POT1: variants seen among roughly 807,000 people sequenced by gnomAD.
POT1 encodes the protein protection of telomeres protein 1.
POT1 carries 47 observed loss-of-function variants against 78.5 expected under a neutral mutation model. The observed-to-expected ratio is 0.60, with a 90% CI of 0.47 to 0.76. The LOEUF is 0.76. Ranked by LOEUF, POT1 falls within the 30% of genes least tolerant of loss-of-function variation. The pLI, the probability that POT1 is intolerant of heterozygous loss-of-function variation, is 0.00. For missense variants in POT1, 646 were observed against 749.9 expected (o/e 0.86, Z 1.62); for synonymous variants, 259 against 260.7 (o/e 0.99, Z 0.06).
At chr7:124,881,667 A>G (rs1028724590) in intron 6 of POT1, among the ~76,000 whole-genome samples, 5 of 151,986 alleles carry the variant, frequency 3.3e-5, no homozygotes, top group African/African-American at 1.2e-4. Context: ...CCAAATACAC[A>G]CGCAAAAATA....
intron 1 of POT1, 183 bp downstream of exon 1, chr7:124,929,611 T>G (rs532898010): frequency 2.6e-5 from 4 of 152,140 alleles, no homozygotes; most frequent in Non-Finnish European, 5.9e-5. Context: ...ACTTAACTCC[T>G]GTCTGCTTCT....
intron 9 of POT1, among the ~76,000 whole-genome samples, chr7:124,855,375 T>C (rs1266969910): frequency 1.3e-5 from 2 of 151,998 alleles, no homozygotes; most frequent in East Asian, 3.9e-4. Flanking sequence ...TTATACTATC[T>C]TGTCTACTAC....
intron 15 of POT1, among the ~76,000 whole-genome samples, chr7:124,833,599 A>G (rs1385705311): frequency 4.6e-5 from 7 of 152,194 alleles, no homozygotes; most frequent in Non-Finnish European, 1.0e-4. Context: ...AGTGGCAGCA[A>G]ATTTGTAATT....
chr7:124,831,999 TAAAAAAAAAAAA>T (rs752861454), intron 15 of POT1, among the ~76,000 whole-genome samples: 4 of 75,654 alleles, frequency 5.3e-5, no homozygotes, highest in African/African-American at 1.7e-4. Flanking sequence ...TTCTTAAAAA[TAAAAAAAAAAAA>T]AAAAAAAAAA....
chr7:124,874,085 A>C (rs1406074377), intron 6 of POT1, among the ~76,000 whole-genome samples: 1 of 152,204 alleles, frequency 6.6e-6, no homozygotes, highest in Non-Finnish European at 1.5e-5. Flanking sequence ...CTTTGTATTT[A>C]ACAACCTTTC....
intron 6 of POT1, among the ~76,000 whole-genome samples, chr7:124,877,342 C>A (rs1796012259): frequency 6.6e-6 from 1 of 152,078 alleles, no homozygotes; most frequent in African/African-American, 2.4e-5. Flanking sequence ...TTTGGCCAAT[C>A]AGATATTTTA....
At chr7:124,916,745 T>C (rs959887823) in intron 2 of POT1, among the ~76,000 whole-genome samples, 4 of 152,296 alleles carry the variant, frequency 2.6e-5, no homozygotes, top group East Asian at 1.9e-4. Context: ...CTTTAATGAA[T>C]TGCTAGAGGC....
intron 3 of POT1, among the ~76,000 whole-genome samples, chr7:124,906,846 G>T (rs1411740285): frequency 6.6e-6 from 1 of 151,922 alleles, no homozygotes; most frequent in Non-Finnish European, 1.5e-5. Flanking sequence ...AATCATAATG[G>T]CTTTTAAAAC....
chr7:124,925,283 C>A (rs568428466), intron 2 of POT1, among the ~76,000 whole-genome samples: 5 of 151,870 alleles, frequency 3.3e-5, no homozygotes, highest in Admixed American at 2.0e-4. Context: ...AATCAATGTA[C>A]AAAAATCAGT....
intron 6 of POT1, among the ~76,000 whole-genome samples, chr7:124,879,323 G>A (rs1308513079): frequency 6.6e-6 from 1 of 152,128 alleles, no homozygotes; most frequent in Non-Finnish European, 1.5e-5. Context: ...GGTAGAAGCT[G>A]AAAGTGAGCT....
chr7:124,863,578 A>G lies in POT1; in HGVS notation c.318T>C (p.Phe106=), dbSNP rs749238293. Residue 106 remains phenylalanine (F), a synonymous_variant, in exon 8 of 19, where the codon TTT becomes TTC. Transcript: ENST00000357628. The part of the protein sequence containing the change: ...ITSSGFASLT[F]EGTLGAPIIP... ...TGATAGGGGCTCCCAAAGTTCCCTC[A>G]AACGTCAAAGATGCAAAGCCAGAGC... 6 of 1,613,780 alleles carry G rather than the reference A, an allele frequency of 3.7e-6. No homozygotes were observed.
chr7:124,878,211 A>G (rs548375272), intron 6 of POT1, among the ~76,000 whole-genome samples: 10 of 152,226 alleles, frequency 6.6e-5, no homozygotes, highest in African/African-American at 2.4e-4. Flanking sequence ...GCGTGCCTGT[A>G]ATCCCAGCTA....
At chr7:124,871,065 C>T in intron 6 of POT1, 24 bp from the exon 7 acceptor site, 1 of 1,544,610 alleles carries the variant, frequency 6.5e-7, no homozygotes, top group Non-Finnish European at 8.8e-7. Context: ...AAATATTTTA[C>T]CTGACTTTCA....
intron 3 of POT1, chr7:124,900,978 C>G: frequency 5.4e-6 from 1 of 184,300 alleles, no homozygotes; most frequent in South Asian, 7.9e-5. Flanking sequence ...TGAGGCTTGA[C>G]TAGGTAAACA....
At chr7:124,826,293 T>C (rs947055139) in intron 17 of POT1, among the ~76,000 whole-genome samples, 4 of 152,218 alleles carry the variant, frequency 2.6e-5, no homozygotes, top group African/African-American at 7.2e-5. Flanking sequence ...ATAAGTTCCA[T>C]GTCTGGAACT....
intron 8 of POT1, among the ~76,000 whole-genome samples, chr7:124,861,286 C>G (rs1037537183): frequency 1.3e-5 from 2 of 152,056 alleles, no homozygotes; most frequent in African/African-American, 4.8e-5. Context: ...GACTTTTTAA[C>G]GATTGCCATT....
intron 7 of POT1, among the ~76,000 whole-genome samples, chr7:124,869,668 C>A (rs996434740): frequency 6.6e-6 from 1 of 152,098 alleles, no homozygotes; most frequent in Non-Finnish European, 1.5e-5. Context: ...CCACAACCTC[C>A]GCCCTCCGGG....
At chr7:124,913,391 T>C (rs1344014714) in intron 3 of POT1, among the ~76,000 whole-genome samples, 1 of 152,224 alleles carries the variant, frequency 6.6e-6, no homozygotes, top group Non-Finnish European at 1.5e-5. Context: ...TCATTAGATA[T>C]ATGATTTGCA....
chr7:124,900,552 G>T (rs1408914811), intron 3 of POT1, among the ~76,000 whole-genome samples: 1 of 152,086 alleles, frequency 6.6e-6, no homozygotes, highest in Admixed American at 6.6e-5. Flanking sequence ...TGGCCGAATA[G>T]GAACAGCTCC....
Sources: allele counts gnomAD v4.1 joint callset (sites outside exome capture counted in the v4.1 genomes callset), GRCh38; gene constraint gnomAD v4.1.1; transcripts MANE v1.5; gene names NCBI Gene and HGNC (gene_info 2026-07-23, HGNC 2026-07-21).